Variants in CADPS observed in about 807,000 individuals in gnomAD.
CADPS encodes calcium-dependent secretion activator 1.
Under a neutral mutation model 167.3 loss-of-function variants are expected in CADPS, and 57 were observed. The ratio of observed to expected loss-of-function variants is 0.34; its 90% CI spans 0.28 to 0.42. CADPS has a LOEUF of 0.42. CADPS is among the 20% of genes least tolerant of loss of function. The pLI is 1.00. For synonymous variants in CADPS, 676 were observed against 635.3 expected, an observed-to-expected ratio of 1.06 and a Z score of -0.96; for missense variants, 1,414 against 1,738.1, an observed-to-expected ratio of 0.81 and a Z score of 3.32.
chr3:62,462,672 T>G (rs962639915), intron 26 of CADPS, among the ~76,000 whole-genome samples: 1 of 152,214 alleles, frequency 6.6e-6, no homozygotes, highest in Non-Finnish European at 1.5e-5. Flanking sequence ...GCGTCGGCAC[T>G]ATCTCTATGC....
chr3:62,613,959 A>G (rs1352778215), intron 6 of CADPS, among the ~76,000 whole-genome samples: 1 of 152,074 alleles, frequency 6.6e-6, no homozygotes, highest in Non-Finnish European at 1.5e-5. Context: ...GTGCTCCCCG[A>G]GTGACTGCCA....
rs1035775895 is a variant in CADPS at position 62,602,520 on chromosome 3, T to C, written c.1326-9772A>G. ...CCTGGAGACAGCTGCATTAAAATCT[T>C]GTGGCCTGCCTTTGAGGTGGACTGC... On this transcript the variant is annotated intron_variant, in intron 6 of 29. Coordinates refer to ENST00000383710, the MANE Select transcript of CADPS (RefSeq NM_003716.4). This position sits in a 1 kb window ranked among gnomAD's most constrained non-coding sequence, Gnocchi z 4.4. 6.6e-6 allele frequency among the ~76,000 whole-genome samples: 1 copy of C among 152,192 alleles called. No homozygotes were observed. The highest frequency in any genetic ancestry group is 2.4e-5 in the African/African-American group (1 of 41,462).
rs1323267588 is a variant in CADPS at position 62,446,520 on chromosome 3, C to T, written c.3637-723G>A. Among the ~76,000 whole-genome samples, 1 of 152,140 alleles carries T rather than the reference C, an allele frequency of 6.6e-6. No homozygotes were observed. Among genetic ancestry groups the T allele is most frequent in the African/African-American group, 2.4e-5 (1 of 41,430 alleles). ...CACTTACAAGCTGTGTGACCTTGGG[C>T]AAGTTGCTTCATCTCTCTGAGCCTC... is the stretch of plus-strand genomic sequence containing the variant. On this transcript the variant is annotated intron_variant, in intron 26 of 29. Transcript: ENST00000383710. The surrounding 1 kb of genome is among the most constrained non-coding windows in gnomAD (Gnocchi z 4.9).
intron 9 of CADPS, among the ~76,000 whole-genome samples, chr3:62,564,942 TA>T: frequency 6.6e-6 from 1 of 152,132 alleles, no homozygotes; most frequent in Non-Finnish European, 1.5e-5. Context: ...AAATATTTTT[TA>T]AATAAAAAGA....
At chr3:62,795,748 CT>C (rs1353174216) in intron 1 of CADPS, among the ~76,000 whole-genome samples, 1 of 152,162 alleles carries the variant, frequency 6.6e-6, no homozygotes, top group Non-Finnish European at 1.5e-5. Context: ...TCCACAGAAC[CT>C]TCTGTCTACT....
chr3:62,637,170 C>T (rs971362560), intron 6 of CADPS, among the ~76,000 whole-genome samples: 2 of 152,114 alleles, frequency 1.3e-5, no homozygotes, highest in African/African-American at 2.4e-5. Flanking sequence ...AACAACAACC[C>T]GATGGGGCAG....
chr3:62,558,880 A>T (rs898193304), intron 9 of CADPS, among the ~76,000 whole-genome samples: 1 of 152,250 alleles, frequency 6.6e-6, no homozygotes. Context: ...GTATTTTCAT[A>T]AAGGAACACA....
intron 24 of CADPS, among the ~76,000 whole-genome samples, chr3:62,473,191 C>T (rs1036162130): frequency 8.0e-6 from 1 of 125,534 alleles, no homozygotes; most frequent in South Asian, 2.4e-4. Context: ...AAAAGGTCCT[C>T]GACAAGAAAA....
intron 6 of CADPS, among the ~76,000 whole-genome samples, chr3:62,593,291 G>A (rs1176994038): frequency 6.6e-6 from 1 of 152,186 alleles, no homozygotes; most frequent in Non-Finnish European, 1.5e-5. Context: ...AGATTGGAAG[G>A]GAGAAGGATG....
chr3:62,530,690 T>C (rs1348659716), intron 13 of CADPS: 1 of 1,288,554 alleles, frequency 7.8e-7, no homozygotes, highest in South Asian at 1.2e-5. Flanking sequence ...TTTGGAATCT[T>C]TTCTTTTTTT....
chr3:62,579,671 G>A (rs2083000124), intron 8 of CADPS, among the ~76,000 whole-genome samples: 1 of 152,176 alleles, frequency 6.6e-6, no homozygotes, highest in South Asian at 2.1e-4. Context: ...AAAGCAAGGA[G>A]GCCAGTGTGG....
At chr3:62,436,600 G>A (rs908052811) in intron 28 of CADPS, among the ~76,000 whole-genome samples, 1 of 152,170 alleles carries the variant, frequency 6.6e-6, no homozygotes, top group South Asian at 2.1e-4. Context: ...CAGAGAAGGG[G>A]GAGGACCCGC....
chr3:62,568,900 T>A (rs1212898895), intron 9 of CADPS, among the ~76,000 whole-genome samples: 1 of 152,184 alleles, frequency 6.6e-6, no homozygotes, highest in Non-Finnish European at 1.5e-5. Flanking sequence ...TTAATTAGCT[T>A]GAGTCTACTT....
intron 1 of CADPS, among the ~76,000 whole-genome samples, chr3:62,872,724 A>G (rs1265434243): frequency 6.6e-6 from 1 of 152,108 alleles, no homozygotes; most frequent in African/African-American, 2.4e-5. Context: ...TCTCTGTGGG[A>G]TTTCTTTCTC....
chr3:62,595,856 G>A (rs147326852), intron 6 of CADPS, among the ~76,000 whole-genome samples: 287 of 152,120 alleles, frequency 1.9e-3, no homozygotes, highest in African/African-American at 6.7e-3. Context: ...AGCTTCCAGC[G>A]AATATAAAGC....
At chr3:62,451,094 G>A (rs1260994790) in intron 26 of CADPS, among the ~76,000 whole-genome samples, 1 of 151,980 alleles carries the variant, frequency 6.6e-6, no homozygotes, top group Non-Finnish European at 1.5e-5. Context: ...TGAGGGACTT[G>A]AATACATTTG....
intron 28 of CADPS, among the ~76,000 whole-genome samples, chr3:62,413,754 T>C (rs2049451204): frequency 6.6e-6 from 1 of 152,194 alleles, no homozygotes; most frequent in Non-Finnish European, 1.5e-5. Context: ...ACATTTTTTG[T>C]TATGTGATTT....
At chr3:62,802,134 C>G (rs1022992962) in intron 1 of CADPS, among the ~76,000 whole-genome samples, 11 of 152,150 alleles carry the variant, frequency 7.2e-5, no homozygotes, top group Non-Finnish European at 1.5e-4. Flanking sequence ...GATTAAGCCA[C>G]AGGACACATA....
chr3:62,642,852 A>C (rs1488006190), intron 6 of CADPS, among the ~76,000 whole-genome samples: 3 of 152,114 alleles, frequency 2.0e-5, no homozygotes, highest in Non-Finnish European at 4.4e-5. Context: ...CCAAGGCTGC[A>C]GTGAGCTGTG....
Sources: gnomAD v4.1 joint callset for allele counts (sites outside exome capture counted in the v4.1 genomes callset) on GRCh38, gnomAD v4.1.1 for gene constraint, Gnocchi (gnomAD v3.1) non-coding constraint, MANE v1.5 for transcripts, NCBI Gene and HGNC (gene_info 2026-07-23, HGNC 2026-07-21) for gene names.